QTGAL: variants seen among roughly 807,000 people sequenced by gnomAD.
The protein encoded by QTGAL is queuosine-tRNA galactosyltransferase.
chr17:83,011,727 A>G, the QTGAL span, among the ~76,000 whole-genome samples: 1 of 152,244 alleles, frequency 6.6e-6, no homozygotes, highest in African/African-American at 2.4e-5. Flanking sequence ...CCAAGTGCAC[A>G]ACAGAGCATC....
the QTGAL span, among the ~76,000 whole-genome samples, chr17:82,954,463 A>G: frequency 9.3e-3 from 1,422 of 152,252 alleles, 80 homozygotes; most frequent in Admixed American, 0.085. Flanking sequence ...AAGAAAAACT[A>G]TAAACCACTG....
At chr17:83,002,782 G>C in the QTGAL span, among the ~76,000 whole-genome samples, 1 of 152,220 alleles carries the variant, frequency 6.6e-6, no homozygotes, top group Non-Finnish European at 1.5e-5. Flanking sequence ...CTTGGAACGT[G>C]CTGGGGGCAC....
At chr17:83,009,637 C>A in the QTGAL span, among the ~76,000 whole-genome samples, 1 of 152,114 alleles carries the variant, frequency 6.6e-6, no homozygotes, top group Non-Finnish European at 1.5e-5. Flanking sequence ...GGCAAAGGGG[C>A]GAGACCTTCG....
the QTGAL span, among the ~76,000 whole-genome samples, chr17:82,970,378 A>G: frequency 1.3e-5 from 2 of 152,258 alleles, no homozygotes; most frequent in Non-Finnish European, 2.9e-5. Context: ...CAAAGCAACC[A>G]TTTAGCTTCC....
At chr17:82,999,878 T>A in the QTGAL span, among the ~76,000 whole-genome samples, 11 of 152,352 alleles carry the variant, frequency 7.2e-5, no homozygotes, top group African/African-American at 1.9e-4. Context: ...AGGGTGTCAC[T>A]CAAGGTTTAT....
chr17:82,966,262 T>G, the QTGAL span, among the ~76,000 whole-genome samples: 1 of 151,754 alleles, frequency 6.6e-6, no homozygotes, highest in African/African-American at 2.4e-5. Context: ...ACTACACTGC[T>G]CAGGCTGGTC....
the QTGAL span, among the ~76,000 whole-genome samples, chr17:82,978,058 C>G: frequency 1.3e-5 from 2 of 152,178 alleles, no homozygotes; most frequent in South Asian, 4.1e-4. This position sits in a 1 kb window ranked among gnomAD's most constrained non-coding sequence, Gnocchi z 4.8. Flanking sequence ...TGGAGGGCAT[C>G]AGGTGTTTTC....
chr17:82,990,582 C>T, the QTGAL span, among the ~76,000 whole-genome samples: 1 of 152,244 alleles, frequency 6.6e-6, no homozygotes, highest in African/African-American at 2.4e-5. Context: ...TTGATGGCAC[C>T]TAATTCCAAA....
chr17:83,016,442 G>A, the QTGAL span, among the ~76,000 whole-genome samples: 1 of 151,934 alleles, frequency 6.6e-6, no homozygotes, highest in Non-Finnish European at 1.5e-5. Context: ...GGGGAAGTGG[G>A]AGGAGGGCAG....
At chr17:82,961,609 G>A in the QTGAL span, among the ~76,000 whole-genome samples, 15 of 152,236 alleles carry the variant, frequency 9.9e-5, no homozygotes, top group African/African-American at 3.4e-4. Context: ...AGTGCCGACT[G>A]TGGGCAGAGG....
At chr17:83,007,085 G>A in the QTGAL span, 72 of 558,640 alleles carry the variant, frequency 1.3e-4, no homozygotes, top group Non-Finnish European at 1.5e-4. Flanking sequence ...GTTCTTTGCC[G>A]TCTGTACACC....
the QTGAL span, chr17:83,005,859 C>T: frequency 2.9e-6 from 4 of 1,371,704 alleles, no homozygotes; most frequent in East Asian, 1.1e-4. This position sits in a 1 kb window ranked among gnomAD's most constrained non-coding sequence, Gnocchi z 5.6. Context: ...CGCCCTCCGC[C>T]CTGCCCGGCC....
At chr17:82,977,641 G>A in the QTGAL span, among the ~76,000 whole-genome samples, 2 of 152,118 alleles carry the variant, frequency 1.3e-5, no homozygotes, top group Non-Finnish European at 2.9e-5. Context: ...TCTGGTCACC[G>A]TGAAAGAGCT....
the QTGAL span, chr17:82,947,068 G>T: frequency 8.1e-7 from 1 of 1,237,242 alleles, no homozygotes; most frequent in South Asian, 1.3e-5. Flanking sequence ...CAGGGGTTGG[G>T]GGTGGCCTGT....
chr17:82,990,473 G>A, the QTGAL span, among the ~76,000 whole-genome samples: 10 of 152,250 alleles, frequency 6.6e-5, no homozygotes, highest in African/African-American at 1.2e-4. Context: ...GCCATATCAC[G>A]TGGCCAAGCC....
chr17:82,957,567 A>G, the QTGAL span: 5 of 1,504,676 alleles, frequency 3.3e-6, no homozygotes, highest in East Asian at 2.5e-5. Flanking sequence ...ATACAGGGAC[A>G]TGATGTGTGC....
the QTGAL span, among the ~76,000 whole-genome samples, chr17:83,000,083 C>G: frequency 6.6e-6 from 1 of 152,208 alleles, no homozygotes; most frequent in East Asian, 1.9e-4. Context: ...CTGCCTCAGC[C>G]TCCCATGTAG....
At chr17:82,989,495 T>TAAA in the QTGAL span, among the ~76,000 whole-genome samples, 22 of 122,506 alleles carry the variant, frequency 1.8e-4, no homozygotes, top group Non-Finnish European at 2.8e-4. Context: ...ATTCTGGAAC[T>TAAA]AAAAAAAAAA....
At chr17:82,987,589 G>C in the QTGAL span, among the ~76,000 whole-genome samples, 1 of 152,130 alleles carries the variant, frequency 6.6e-6, no homozygotes, top group African/African-American at 2.4e-5. Context: ...GTATATGTGT[G>C]GTTTTATTTC....
Sources: gnomAD v4.1 joint callset for allele counts (sites outside exome capture counted in the v4.1 genomes callset) on GRCh38, gnomAD v4.1.1 for gene constraint, Gnocchi (gnomAD v3.1) non-coding constraint, MANE v1.5 for transcripts, NCBI Gene and HGNC (gene_info 2026-07-23, HGNC 2026-07-21) for gene names.